The following CYP20A1 variants were observed in gnomAD, a reference collection of about 807,000 sequenced individuals.
The protein encoded by CYP20A1 is cytochrome P450 20A1.
In CYP20A1, 61 loss-of-function variants were observed where a neutral mutation model predicts 61.4. The ratio of observed to expected loss-of-function variants is 0.99; its 90% CI spans 0.81 to 1.23. CYP20A1 has a LOEUF of 1.23. Ranked by LOEUF, CYP20A1 falls within the 50% of genes most tolerant of loss-of-function variation. The probability of loss-of-function intolerance (pLI) is 0.00; values close to 1 mark genes in which losing one functional copy is unlikely to be tolerated. For missense variants in CYP20A1, 530 were observed against 542.4 expected, an observed-to-expected ratio of 0.98 and a Z score of 0.23; for synonymous variants, 193 against 188.2, an observed-to-expected ratio of 1.03 and a Z score of -0.21.
Position 203,298,615 on chromosome 2 carries a change from C to T in CYP20A1, c.*1707C>T, listed in dbSNP as rs111435116. The stretch of plus-strand genomic sequence containing the variant: ...ACTCAGGAGGCTGAGGCAGGATAAT[C>T]GCTTGAACCTGGGAGGCAGAGGTTG... On this transcript the variant is annotated 3_prime_UTR_variant, in exon 13 of 13. Transcript: ENST00000356079. Among the ~76,000 whole-genome samples the T allele has an allele frequency of 4.8e-4, 71 of 148,854 alleles. 1 individual carries two copies. Among genetic ancestry groups the T allele is most frequent in the Middle Eastern group, 3.5e-3 (1 of 288 alleles).
In CYP20A1 at chr2:203,304,358, C is replaced by T. The variant is rs576945162; in HGVS notation, c.*7450C>T. Among the ~76,000 whole-genome samples the T allele has an allele frequency of 2.6e-5, 4 of 152,200 alleles. No individual in the cohort carries two copies. The highest frequency in any genetic ancestry group is 6.5e-5 in the Admixed American group (1 of 15,286). ...GACTACAGGCGAGTGCCTCCATGCC[C>T]AGCTAATTTTTTGTATTTTTAGTAG... On this transcript the variant is annotated 3_prime_UTR_variant, in exon 13 of 13. Transcript: ENST00000356079.
intron 4 of CYP20A1, among the ~76,000 whole-genome samples, chr2:203,262,437 G>A (rs1003904364): frequency 6.6e-6 from 1 of 151,968 alleles, no homozygotes; most frequent in Non-Finnish European, 1.5e-5. Flanking sequence ...TAGTGTCTTC[G>A]AATTTTGTTA....
intron 1 of CYP20A1, among the ~76,000 whole-genome samples, chr2:203,243,138 A>T (rs1256322581): frequency 6.6e-6 from 1 of 151,990 alleles, no homozygotes; most frequent in African/African-American, 2.4e-5. Flanking sequence ...CCAATAACTG[A>T]TAATCTCTTG....
chr2:203,295,241 G>A (rs1393270595), intron 11 of CYP20A1, among the ~76,000 whole-genome samples: 4 of 151,512 alleles, frequency 2.6e-5, no homozygotes, highest in African/African-American at 9.7e-5. Context: ...CACCGCGCCT[G>A]GCCAAAAATT....
At position 203,304,567 on chromosome 2, in the gene CYP20A1, T is replaced by C. The variant is rs1294386533; in HGVS notation, c.*7659T>C. ...CACATTTCTGTGACTGTTTATATTTTTCCCTGTTCCACATACATACATTTT... is the reference window on the plus strand; with the variant it reads ...CACATTTCTGTGACTGTTTATATTTCTCCCTGTTCCACATACATACATTTT... On this transcript the variant is annotated 3_prime_UTR_variant, in exon 13 of 13. Transcript: ENST00000356079. 6.6e-6 allele frequency among the ~76,000 whole-genome samples: 1 copy of C among 152,194 alleles called. No homozygotes were observed. Among genetic ancestry groups the C allele is most frequent in the Non-Finnish European group, 1.5e-5 (1 of 68,032 alleles).
rs540206003 is a variant in CYP20A1, at chr2:203,304,167, G to T, written c.*7259G>T. 1.5e-4 allele frequency among the ~76,000 whole-genome samples: 23 copies of T among 152,184 alleles called. No individual in the cohort carries two copies. The highest frequency in any genetic ancestry group is 5.5e-4 in the African/African-American group (23 of 41,544). ...GTGGAGGTTGCAGTGTGCCGAGATC[G>T]CACCACTGTACTCCAGCCTAGGTGA... On this transcript the variant is annotated 3_prime_UTR_variant, in exon 13 of 13. Transcript: ENST00000356079.
Position 203,301,627 on chromosome 2 carries a change from T to A in CYP20A1, c.*4719T>A, listed in dbSNP as rs148624643. ...CTCTCAAACTTGTGCTAACAAAATT[T>A]AAGGCAATATTAATTCTGTGCATGT... On this transcript the variant is annotated 3_prime_UTR_variant, in exon 13 of 13. Coordinates refer to ENST00000356079, the MANE Select transcript of CYP20A1 (RefSeq NM_177538.3). Among the ~76,000 whole-genome samples the A allele has an allele frequency of 3.2e-3, 492 of 152,212 alleles. 4 individuals are homozygous for A. The highest frequency in any genetic ancestry group is 0.011 in the African/African-American group (457 of 41,542).
intron 8 of CYP20A1, among the ~76,000 whole-genome samples, chr2:203,282,568 C>T (rs79269799): frequency 0.038 from 5,709 of 152,166 alleles, 350 homozygotes; most frequent in African/African-American, 0.13. Context: ...ATCTAAATCA[C>T]TTGTGCTCCG....
At position 203,280,105 on chromosome 2, in the gene CYP20A1, C is replaced by T; in HGVS notation, c.842C>T (p.Thr281Ile). Residue 281 changes from threonine to isoleucine, a missense_variant, in exon 8 of 13, where the codon ACT becomes ATT. Transcript: ENST00000356079. ...TTTTCTCTGGCCAGTTGCATAATAA[C>T]TGCAAAATGTAAGTATAAATTGATT... ...MIFSLASCII[T>I]AKLCTWAICF... 2.5e-6 allele frequency: 4 copies of T among 1,604,670 alleles called. No homozygotes were observed. The highest frequency in any genetic ancestry group is 8.5e-7 in the Non-Finnish European group (1 of 1,175,410).
At chr2:203,239,843 T>C (rs1404916455) in intron 1 of CYP20A1, among the ~76,000 whole-genome samples, 1 of 152,134 alleles carries the variant, frequency 6.6e-6, no homozygotes, top group Non-Finnish European at 1.5e-5. Flanking sequence ...TTAAAACCTG[T>C]TCTACACACT....
chr2:203,259,033 T>G (rs1189624911), intron 4 of CYP20A1, among the ~76,000 whole-genome samples: 1 of 152,202 alleles, frequency 6.6e-6, no homozygotes, highest in Non-Finnish European at 1.5e-5. Flanking sequence ...TTAATTATTT[T>G]GTCTTCTCTG....
chr2:203,254,198 G>A (rs549753680), intron 4 of CYP20A1, among the ~76,000 whole-genome samples: 1 of 152,028 alleles, frequency 6.6e-6, no homozygotes, highest in African/African-American at 2.4e-5. Context: ...CACCACCTCA[G>A]CCTCCCAAAG....
intron 5 of CYP20A1, among the ~76,000 whole-genome samples, chr2:203,271,903 G>A (rs2067615536): frequency 6.6e-6 from 1 of 152,102 alleles, no homozygotes; most frequent in Non-Finnish European, 1.5e-5. Flanking sequence ...GTGGGCACCT[G>A]TAATCCCATC....
intron 4 of CYP20A1, among the ~76,000 whole-genome samples, chr2:203,265,827 A>G (rs781712696): frequency 3.9e-5 from 6 of 152,044 alleles, no homozygotes; most frequent in Non-Finnish European, 7.4e-5. Context: ...AGTAGCTGGG[A>G]TTACAGGCGT....
chr2:203,261,211 TA>T (rs894267894), intron 4 of CYP20A1, among the ~76,000 whole-genome samples: 2 of 147,940 alleles, frequency 1.4e-5, no homozygotes, highest in Admixed American at 1.3e-4. Context: ...TCTACAAAAA[TA>T]AAAAAAAATA....
At chr2:203,260,290 T>G (rs1309780715) in intron 4 of CYP20A1, among the ~76,000 whole-genome samples, 1 of 151,428 alleles carries the variant, frequency 6.6e-6, no homozygotes, top group African/African-American at 2.4e-5. Context: ...TGGCGCAATT[T>G]CTGCTCATCA....
rs1015541138 is a variant in CYP20A1 at position 203,297,100 on chromosome 2, G to T, written c.*192G>T. The T allele has an allele frequency of 2.7e-6, 1 of 363,644 alleles. No individual in the cohort carries two copies. Among genetic ancestry groups the T allele is most frequent in the Non-Finnish European group, 4.9e-6 (1 of 205,068 alleles). The allele number at this position is 363,644 out of a possible 1,614,324, so 22.5% of individuals were successfully genotyped here. A position where few individuals can be genotyped will look rare whatever the true frequency, so the allele number is the denominator to read the frequency against. ...TTGTACACATTTGACTTACTGCACA[G>T]TATATTGATCATTTTAATGGGAAAC... On this transcript the variant is annotated 3_prime_UTR_variant, in exon 13 of 13. Transcript: ENST00000356079.
In CYP20A1 at chr2:203,300,746, G is replaced by A. The variant is rs775119947; in HGVS notation, c.*3838G>A. 7.9e-5 allele frequency among the ~76,000 whole-genome samples: 12 copies of A among 151,458 alleles called. No individual in the cohort carries two copies. Among genetic ancestry groups the A allele is most frequent in the Non-Finnish European group, 1.3e-4 (9 of 67,918 alleles). On this transcript the variant is annotated 3_prime_UTR_variant, in exon 13 of 13. Coordinates refer to ENST00000356079, the MANE Select transcript of CYP20A1 (RefSeq NM_177538.3). ...CTCTACCAAAAATACAAAATTAGCC[G>A]GGCATGATGGAGCATCCCTGTAATC...
chr2:203,268,602 TTTTG>T (rs1378045470), intron 5 of CYP20A1, among the ~76,000 whole-genome samples: 2 of 152,060 alleles, frequency 1.3e-5, no homozygotes, highest in African/African-American at 2.4e-5. Flanking sequence ...TTGTTTTTTT[TTTTG>T]TTTGTTTTGT....
Sources: gnomAD v4.1 joint callset for allele counts (sites outside exome capture counted in the v4.1 genomes callset) on GRCh38, gnomAD v4.1.1 for gene constraint, MANE v1.5 for transcripts, NCBI Gene and HGNC (gene_info 2026-07-23, HGNC 2026-07-21) for gene names.